ELL: variants seen among roughly 807,000 people sequenced by gnomAD.
The protein encoded by ELL is elongation factor for RNA polymerase II.
A neutral mutation model predicts 64.0 loss-of-function variants in ELL; 18 were observed. That is an observed-to-expected ratio of 0.28 (90% CI 0.19 to 0.42). The LOEUF (loss-of-function observed/expected upper bound fraction) is 0.42. Ranked by LOEUF, ELL falls within the 10% of genes least tolerant of loss-of-function variation. The pLI, the probability that ELL is intolerant of heterozygous loss-of-function variation, is 1.00. For synonymous variants in ELL, 399 were observed against 376.2 expected, an observed-to-expected ratio of 1.06 and a Z score of -0.70; for missense variants, 797 against 870.4, an observed-to-expected ratio of 0.92 and a Z score of 1.06.
At chr19:18,509,585 G>A (rs554150601) in intron 1 of ELL, among the ~76,000 whole-genome samples, 20 of 110,692 alleles carry the variant, frequency 1.8e-4, no homozygotes, top group African/African-American at 6.5e-4. Context: ...ATGCACGTGC[G>A]CGCGCGCGCA....
At chr19:18,469,084 G>A (rs1427630977) in intron 2 of ELL, among the ~76,000 whole-genome samples, 4 of 152,180 alleles carry the variant, frequency 2.6e-5, no homozygotes, top group East Asian at 3.9e-4. Flanking sequence ...CAGCTGTGGC[G>A]GGGAGTAGGG....
chr19:18,491,452 C>T (rs1012999630), intron 1 of ELL, among the ~76,000 whole-genome samples: 8 of 151,948 alleles, frequency 5.3e-5, no homozygotes, highest in East Asian at 1.9e-4. Context: ...CACCCTCCAA[C>T]GTATGGGTGG....
chr19:18,482,791 T>C (rs78161777), intron 1 of ELL, among the ~76,000 whole-genome samples: 36 of 91,388 alleles, frequency 3.9e-4, no homozygotes, highest in East Asian at 2.7e-3. Flanking sequence ...GTTGTTGTTG[T>C]TGTTGCTGCT....
chr19:18,472,544 T>G, intron 2 of ELL: 1 of 427,270 alleles, frequency 2.3e-6, no homozygotes, highest in Non-Finnish European at 4.2e-6. Context: ...TGCTGGGGGT[T>G]GGGGGCCCCT....
rs940774394 is a variant in ELL at position 18,443,080 on chromosome 19, G to A, written c.*1672C>T. 2 of 232,440 alleles carry A rather than the reference G, an allele frequency of 8.6e-6. No individual in the cohort carries two copies. The highest frequency in any genetic ancestry group is 1.8e-4 in the South Asian group (1 of 5,524). The allele number at this position is 232,440 out of a possible 1,614,324, so 14.4% of individuals were successfully genotyped here. On this transcript the variant is annotated 3_prime_UTR_variant, in exon 12 of 12. Transcript: ENST00000262809. ...CCAGGGCAGAGGGGCGGGCAGTCCC[G>A]GGCTGGGACCTCCTGAAATCATCCC... is the stretch of plus-strand genomic sequence containing the variant.
chr19:18,451,714 C>A, intron 6 of ELL, 66 bp from the exon 7 acceptor site: 1 of 1,287,366 alleles, frequency 7.8e-7, no homozygotes, highest in Non-Finnish European at 1.0e-6. Flanking sequence ...AGGCCTGTAT[C>A]CACATGGGGG....
chr19:18,521,915 A>C lies in ELL; in HGVS notation c.135+6T>G, dbSNP rs1236562599. The C allele has an allele frequency of 6.3e-7, 1 of 1,584,872 alleles. No homozygotes were observed. The highest frequency in any genetic ancestry group is 8.6e-7 in the Non-Finnish European group (1 of 1,166,122). ...CCACTGGCGCGCCGGGCGCCATGCC[A>C]CTCACCTGTCTGGCGCGGTAGCTCT... On this transcript the variant is annotated splice_donor_region_variant and intron_variant, in intron 1 of 11. Transcript: ENST00000262809.
rs777057101 is a variant in ELL, at chr19:18,446,296, G to C, written c.1704+13C>G. ...CCAGAGCCAGGGCACAGTAGGCAGC[G>C]GGGGGGCTCTACCTCATACTCCTCG... On this transcript the variant is annotated intron_variant, in intron 10 of 11. Coordinates refer to ENST00000262809, the MANE Select transcript of ELL (RefSeq NM_006532.4). 1.7e-5 allele frequency: 26 copies of C among 1,558,558 alleles called. No homozygotes were observed. The highest frequency in any genetic ancestry group is 2.2e-5 in the Non-Finnish European group (25 of 1,155,422).
chr19:18,468,919 G>A (rs1975006514), intron 2 of ELL, among the ~76,000 whole-genome samples: 1 of 152,170 alleles, frequency 6.6e-6, no homozygotes, highest in African/African-American at 2.4e-5. Context: ...GGGCCCCCCT[G>A]CCTGAGCCTG....
At chr19:18,497,324 C>G (rs1039949262) in intron 1 of ELL, among the ~76,000 whole-genome samples, 1 of 152,216 alleles carries the variant, frequency 6.6e-6, no homozygotes, top group Non-Finnish European at 1.5e-5. Context: ...AAAAACAAAA[C>G]TATGGAGACA....
At chr19:18,494,475 C>T (rs754242242) in intron 1 of ELL, among the ~76,000 whole-genome samples, 9 of 151,868 alleles carry the variant, frequency 5.9e-5, no homozygotes, top group Admixed American at 3.3e-4. Flanking sequence ...CTCACTGCAG[C>T]CTCCTCCTCC....
chr19:18,467,607 T>G (rs1048011402), intron 2 of ELL, among the ~76,000 whole-genome samples: 1 of 77,222 alleles, frequency 1.3e-5, no homozygotes, highest in African/African-American at 4.9e-5. Flanking sequence ...AGAGAAACCC[T>G]CCCCACCCGC....
At chr19:18,468,138 C>G (rs1304309630) in intron 2 of ELL, among the ~76,000 whole-genome samples, 1 of 149,312 alleles carries the variant, frequency 6.7e-6, no homozygotes, top group Non-Finnish European at 1.5e-5. Flanking sequence ...ACATAAACCC[C>G]CACACAGCCA....
chr19:18,518,668 G>A (rs187516156), intron 1 of ELL, among the ~76,000 whole-genome samples: 5 of 152,048 alleles, frequency 3.3e-5, no homozygotes, highest in African/African-American at 1.2e-4. Context: ...ATGCGTGCCT[G>A]TAATCCCAGC....
At chr19:18,485,204 G>A (rs1385674645) in intron 1 of ELL, among the ~76,000 whole-genome samples, 1 of 152,132 alleles carries the variant, frequency 6.6e-6, no homozygotes, top group Non-Finnish European at 1.5e-5. Context: ...GGACTATTTG[G>A]AGCCCAGCAG....
chr19:18,517,697 C>CA (rs199798361), intron 1 of ELL, among the ~76,000 whole-genome samples: 18 of 150,230 alleles, frequency 1.2e-4, no homozygotes, highest in East Asian at 2.0e-4. Context: ...CCCATCTCTA[C>CA]AAAAAAAAAT....
chr19:18,492,013 C>G (rs528304334), intron 1 of ELL, among the ~76,000 whole-genome samples: 59 of 152,348 alleles, frequency 3.9e-4, no homozygotes, highest in African/African-American at 1.3e-3. Context: ...TACAGACTCA[C>G]AGGCTACCTT....
intron 4 of ELL, among the ~76,000 whole-genome samples, chr19:18,462,252 T>TGTGTGTGTGTG (rs1974836332): frequency 6.8e-6 from 1 of 146,120 alleles, no homozygotes; most frequent in Non-Finnish European, 1.5e-5. Flanking sequence ...TGGTGGGCAG[T>TGTGTGTGTGTG]ATGTGTGTGT....
chr19:18,511,968 A>G (rs967039689), intron 1 of ELL, among the ~76,000 whole-genome samples: 1 of 152,100 alleles, frequency 6.6e-6, no homozygotes, highest in Admixed American at 6.5e-5. Context: ...CAGCCTGGCC[A>G]AGATGGTGAA....
Sources: allele counts gnomAD v4.1 joint callset (sites outside exome capture counted in the v4.1 genomes callset), GRCh38; gene constraint gnomAD v4.1.1; transcripts MANE v1.5; gene names NCBI Gene and HGNC (gene_info 2026-07-23, HGNC 2026-07-21).